ARHGEF19: variants seen among roughly 807,000 people sequenced by gnomAD.
ARHGEF19 encodes Rho guanine nucleotide exchange factor (GEF) 19.
A neutral mutation model predicts 87.6 loss-of-function variants in ARHGEF19; 92 were observed. The observed-to-expected ratio is 1.05, with a 90% CI of 0.89 to 1.25. The LOEUF (loss-of-function observed/expected upper bound fraction) is 1.25. ARHGEF19 is among the 50% of genes most tolerant of loss of function. The pLI is 0.00. For missense variants in ARHGEF19, 1,054 were observed against 1,051.8 expected (o/e 1.00, Z -0.03); for synonymous variants, 438 against 446.2 (o/e 0.98, Z 0.23).
intron 14 of ARHGEF19, among the ~76,000 whole-genome samples, chr1:16,200,084 C>T (rs998684699): frequency 1.3e-5 from 2 of 152,214 alleles, no homozygotes; most frequent in African/African-American, 4.8e-5. Flanking sequence ...AGAGAGCTTA[C>T]CCCCACCCAG....
rs753767537 is a variant in ARHGEF19, at chr1:16,207,907, TC to T, written c.694+36del. ...CGCCCACCCCCACCCCCACCCGGCATCTGGCTGCCCTCAGGGCCCATGGGAG... is the reference window on the plus strand; with the variant it reads ...CGCCCACCCCCACCCCCACCCGGCATTGGCTGCCCTCAGGGCCCATGGGAG... On this transcript the variant is annotated intron_variant, in intron 3 of 15. Coordinates refer to ENST00000270747, the MANE Select transcript of ARHGEF19 (RefSeq NM_153213.5). The surrounding 1 kb of genome is among the most constrained non-coding windows in gnomAD (Gnocchi z 4.0). 8.1e-6 allele frequency: 6 copies of T among 744,788 alleles called. No homozygotes were observed. The highest frequency in any genetic ancestry group is 1.2e-5 in the Non-Finnish European group (6 of 483,142). 46.1% of individuals were successfully genotyped at this position (744,788 alleles called of 1,614,324 possible).
chr1:16,207,498 C>T lies in ARHGEF19; in HGVS notation c.874+24G>A. 1.2e-6 allele frequency: 2 copies of T among 1,612,740 alleles called. No individual in the cohort carries two copies. Among genetic ancestry groups the T allele is most frequent in the Non-Finnish European group, 1.7e-6 (2 of 1,179,028 alleles). On this transcript the variant is annotated intron_variant, in intron 5 of 15. Coordinates refer to ENST00000270747, the MANE Select transcript of ARHGEF19 (RefSeq NM_153213.5). This position sits in a 1 kb window ranked among gnomAD's most constrained non-coding sequence, Gnocchi z 4.0. ...GCAGCCCCTTCCTCCGTTACCTCCTCCCAGGGACCCCCCTCCCACGTACAG... is the reference window on the plus strand; with the variant it reads ...GCAGCCCCTTCCTCCGTTACCTCCTTCCAGGGACCCCCCTCCCACGTACAG...
At position 16,205,316 on chromosome 1, in the gene ARHGEF19, C is replaced by T; in HGVS notation, c.1656+35G>A. ...CGTGCTGGGGGTCCAGGGGGGGCCT[C>T]AGGAGCCAAGCAGCCCCTGCCCTGC... On this transcript the variant is annotated intron_variant, in intron 10 of 15. Coordinates refer to ENST00000270747, the MANE Select transcript of ARHGEF19 (RefSeq NM_153213.5). This position sits in a 1 kb window ranked among gnomAD's most constrained non-coding sequence, Gnocchi z 5.8. 5 of 1,613,472 alleles carry T rather than the reference C, an allele frequency of 3.1e-6. No homozygotes were observed. The highest frequency in any genetic ancestry group is 4.2e-6 in the Non-Finnish European group (5 of 1,179,668).
In ARHGEF19 at chr1:16,205,652, C is replaced by T. The variant is rs763517010; in HGVS notation, c.1467G>A (p.Arg489=). The T allele has an allele frequency of 6.2e-7, 1 of 1,610,186 alleles. No homozygotes were observed. Among genetic ancestry groups the T allele is most frequent in the East Asian group, 2.2e-5 (1 of 44,812 alleles). ...TYQRLLLENP[R]FPGILARLEE... ...CCAGGCGAGCCAGGATGCCAGGGAA[C>T]CTGGGGTTCTCCAGGCTGGAAAATG... is the stretch of plus-strand genomic sequence containing the variant. The change falls in exon 9 of 16, where the codon AGG becomes AGA. Residue 489 remains arginine (R), a synonymous_variant. Coordinates refer to ENST00000270747, the MANE Select transcript of ARHGEF19 (RefSeq NM_153213.5). This position sits in a 1 kb window ranked among gnomAD's most constrained non-coding sequence, Gnocchi z 5.8.
rs1487094834 is a variant in ARHGEF19, at chr1:16,207,138, CCCT to C, written c.944_946del (p.Glu315del). The stretch of plus-strand genomic sequence containing the variant: ...TGCGCCCTCGGCCTCGTCCCCCGGG[CCCT>C]CCTCCTCGCGCTGCTGCCGCCGCAG... On this transcript the variant is annotated inframe_deletion, in exon 6 of 16. Transcript: ENST00000270747. The surrounding 1 kb of genome is among the most constrained non-coding windows in gnomAD (Gnocchi z 4.0). The C allele has an allele frequency of 1.3e-6, 2 of 1,527,506 alleles. No homozygotes were observed. The highest frequency in any genetic ancestry group is 2.6e-5 in the East Asian group (1 of 38,284). 94.6% of individuals were successfully genotyped at this position (1,527,506 alleles called of 1,614,324 possible). A position where few individuals can be genotyped will look rare whatever the true frequency, so the allele number is the denominator to read the frequency against.
chr1:16,210,377 A>G (rs945082230), intron 1 of ARHGEF19, among the ~76,000 whole-genome samples: 1 of 152,236 alleles, frequency 6.6e-6, no homozygotes, highest in South Asian at 2.1e-4. Flanking sequence ...AGGCCCCCTC[A>G]GGCCAAAGGG....
At chr1:16,212,061 A>C (rs1002915042) in intron 1 of ARHGEF19, among the ~76,000 whole-genome samples, 3 of 152,174 alleles carry the variant, frequency 2.0e-5, no homozygotes, top group Non-Finnish European at 2.9e-5. Context: ...TCTCTAAGAA[A>C]CATGTCTCAT....
chr1:16,199,164 G>T lies in ARHGEF19; in HGVS notation c.2237C>A (p.Thr746Asn), dbSNP rs1161349058. ...LEKTDILSVR[T>N]WTSDGWLEGV... ...GGCCCCCTCACCGTCACTGGTCCAG[G>T]TCCTCACTGACAGGATGTCAGTCTT... Residue 746 changes from threonine (T) to asparagine (N), a missense_variant, in exon 15 of 16, where the codon ACC (threonine) becomes AAC (asparagine). Physicochemically the swap from Thr to Asn is moderately conservative, Grantham distance 65. Transcript: ENST00000270747. 1.2e-6 allele frequency: 2 copies of T among 1,613,986 alleles called. No homozygotes were observed. Among genetic ancestry groups the T allele is most frequent in the South Asian group, 1.1e-5 (1 of 91,082 alleles).
intron 1 of ARHGEF19, among the ~76,000 whole-genome samples, chr1:16,212,139 A>G (rs961722900): frequency 1.3e-5 from 2 of 152,220 alleles, no homozygotes; most frequent in Non-Finnish European, 2.9e-5. Context: ...GGTGCTGCTA[A>G]TTACAGAAGA....
chr1:16,199,174 A>T lies in ARHGEF19; in HGVS notation c.2227T>A (p.Ser743Thr), dbSNP rs758230669. 1.2e-6 allele frequency: 2 copies of T among 1,613,968 alleles called. No individual in the cohort carries two copies. Among genetic ancestry groups the T allele is most frequent in the Non-Finnish European group, 1.7e-6 (2 of 1,179,940 alleles). Residue 743 changes from serine (S) to threonine (T), a missense_variant, in exon 15 of 16, where the codon TCA (serine) becomes ACA (threonine). Physicochemically the swap from Ser to Thr is moderately conservative, Grantham distance 58 (BLOSUM62 1). Transcript: ENST00000270747. The stretch of plus-strand genomic sequence containing the variant: ...CCGTCACTGGTCCAGGTCCTCACTG[A>T]CAGGATGTCAGTCTTCTCCAAGGTC... Reference protein sequence around the residue: ...ELTLEKTDILSVRTWTSDGWL... With the variant: ...ELTLEKTDILTVRTWTSDGWL...
In ARHGEF19 at chr1:16,207,856, G is replaced by A; in HGVS notation, c.695-79C>T. 1 of 1,585,230 alleles carries A rather than the reference G, an allele frequency of 6.3e-7. No homozygotes were observed. The highest frequency in any genetic ancestry group is 8.6e-7 in the Non-Finnish European group (1 of 1,166,888). On this transcript the variant is annotated intron_variant, in intron 3 of 15. Coordinates refer to ENST00000270747, the MANE Select transcript of ARHGEF19 (RefSeq NM_153213.5). The surrounding 1 kb of genome is among the most constrained non-coding windows in gnomAD (Gnocchi z 4.0). ...GGGCCCCGGCCCAGGCACCCTGACG[G>A]CCTCAGGCGGCCGGTGAGTGGGCAT...
chr1:16,207,020 C>T lies in ARHGEF19; in HGVS notation c.1065G>A (p.Trp355Ter), dbSNP rs1557541508. 6.6e-7 allele frequency: 1 copy of T among 1,517,574 alleles called. No individual in the cohort carries two copies. The highest frequency in any genetic ancestry group is 8.8e-7 in the Non-Finnish European group (1 of 1,135,380). 94.0% of individuals were successfully genotyped at this position (1,517,574 alleles called of 1,614,324 possible). ...TGCCGCGTACGTCGGGGATATCCTG[C>T]CACAGCGAGAAGGTGGAGCCTCGCG... ...RSARGSTFSL[W>*]QDIPDVRGSG... Residue 355 changes from tryptophan to a stop codon, truncating the protein, a stop_gained, in exon 6 of 16, where the codon TGG becomes TGA. Coordinates refer to ENST00000270747, the MANE Select transcript of ARHGEF19 (RefSeq NM_153213.5). LOFTEE classifies it high-confidence loss of function. This position sits in a 1 kb window ranked among gnomAD's most constrained non-coding sequence, Gnocchi z 4.0.
At position 16,204,741 on chromosome 1, in the gene ARHGEF19, C is replaced by G. The variant is rs752841316; in HGVS notation, c.1907+18G>C. 6.4e-6 allele frequency: 10 copies of G among 1,562,360 alleles called. No homozygotes were observed. The highest frequency in any genetic ancestry group is 2.6e-6 in the Non-Finnish European group (3 of 1,149,964). Reference sequence around the variant, plus strand: ...CTGGCTCCACTTTACCTACCCACCCCTGACTGCCCCGACTCACTCCTTCCG... The same window carrying G: ...CTGGCTCCACTTTACCTACCCACCCGTGACTGCCCCGACTCACTCCTTCCG... On this transcript the variant is annotated intron_variant, in intron 12 of 15. Coordinates refer to ENST00000270747, the MANE Select transcript of ARHGEF19 (RefSeq NM_153213.5).
chr1:16,205,977 A>G lies in ARHGEF19; in HGVS notation c.1405T>C (p.Tyr469His). Residue 469 changes from tyrosine to histidine, a missense_variant, in exon 8 of 16, where the codon TAT becomes CAT. Physicochemically the swap from Tyr to His is moderately conservative, Grantham distance 83 (BLOSUM62 2). Coordinates refer to ENST00000270747, the MANE Select transcript of ARHGEF19 (RefSeq NM_153213.5). The surrounding 1 kb of genome is among the most constrained non-coding windows in gnomAD (Gnocchi z 5.8). The part of the protein sequence containing the change: ...CPAFRRVYLP[Y>H]VTNQAYQERT... ...TCCTGGTAGGCCTGGTTGGTGACAT[A>G]GGGCAGGTAGACTCTGCGGAAGGCC... 1 of 1,611,414 alleles carries G rather than the reference A, an allele frequency of 6.2e-7. No homozygotes were observed. The highest frequency in any genetic ancestry group is 8.5e-7 in the Non-Finnish European group (1 of 1,178,902).
In ARHGEF19 at chr1:16,207,104, C is replaced by A; in HGVS notation, c.981G>T (p.Gly327=). Residue 327 remains glycine (G), a synonymous_variant, in exon 6 of 16, where the codon GGG becomes GGT. Coordinates refer to ENST00000270747, the MANE Select transcript of ARHGEF19 (RefSeq NM_153213.5). The surrounding 1 kb of genome is among the most constrained non-coding windows in gnomAD (Gnocchi z 4.0). ...AGAGGTTGGCCCGCGGCGGCCCCGG[C>A]CCCTCCTCTGCGCCCTCGGCCTCGT... ...PGDEAEGAEE[G]PGPPRANLSP... 2.6e-6 allele frequency: 4 copies of A among 1,512,538 alleles called. No individual in the cohort carries two copies. Among genetic ancestry groups the A allele is most frequent in the East Asian group, 5.4e-5 (2 of 36,964 alleles). The allele number at this position is 1,512,538 out of a possible 1,614,324, so 93.7% of individuals were successfully genotyped here.
chr1:16,201,266 T>C (rs2081081306), intron 14 of ARHGEF19, among the ~76,000 whole-genome samples: 1 of 152,126 alleles, frequency 6.6e-6, no homozygotes, highest in Non-Finnish European at 1.5e-5. Context: ...AGGGACACTA[T>C]AGGAAGGCTC....
chr1:16,206,325 T>G lies in ARHGEF19; in HGVS notation c.1153A>C (p.Ile385Leu), dbSNP rs1322845965. The change falls in exon 7 of 16, where the codon ATC becomes CTC. Residue 385 changes from isoleucine to leucine, a missense_variant. Transcript: ENST00000270747. This position sits in a 1 kb window ranked among gnomAD's most constrained non-coding sequence, Gnocchi z 4.6. Reference sequence around the variant, plus strand: ...TGGATGTAGGAGGCCTCGGAGGTGATCAGCTCAAACTTGGCCTGAGGGAGG... The same window carrying G: ...TGGATGTAGGAGGCCTCGGAGGTGAGCAGCTCAAACTTGGCCTGAGGGAGG... ...CKLQEAKFEL[I>L]TSEASYIHSL... The G allele has an allele frequency of 1.3e-6, 2 of 1,579,194 alleles. No homozygotes were observed. The highest frequency in any genetic ancestry group is 1.3e-5 in the African/African-American group (1 of 74,510).
rs2081142164 is a variant in ARHGEF19 at position 16,206,905 on chromosome 1, C to CCCCGG, written c.1137+38_1137+42dup. On this transcript the variant is annotated intron_variant, in intron 6 of 15. Coordinates refer to ENST00000270747, the MANE Select transcript of ARHGEF19 (RefSeq NM_153213.5). The surrounding 1 kb of genome is among the most constrained non-coding windows in gnomAD (Gnocchi z 4.6). ...CCGCTAAGTCCCCGGACCGCGTACTCCCCGGCCCGCCCCCGCCCCGCCGGG... is the reference window on the plus strand; with the variant it reads ...CCGCTAAGTCCCCGGACCGCGTACTCCCCGGCCCGGCCCGCCCCCGCCCCGCCGGG... 7.0e-7 allele frequency: 1 copy of CCCCGG among 1,421,468 alleles called. No homozygotes were observed. The highest frequency in any genetic ancestry group is 2.9e-5 in the East Asian group (1 of 34,046). The allele number at this position is 1,421,468 out of a possible 1,614,324, so 88.1% of individuals were successfully genotyped here.
At chr1:16,210,903 G>A (rs185193416) in intron 1 of ARHGEF19, among the ~76,000 whole-genome samples, 7 of 152,288 alleles carry the variant, frequency 4.6e-5, no homozygotes, top group Admixed American at 6.5e-5. Flanking sequence ...AGGACCCAGC[G>A]AGAGATGGCT....
Sources: allele counts gnomAD v4.1 joint callset (sites outside exome capture counted in the v4.1 genomes callset), GRCh38; gene constraint gnomAD v4.1.1; non-coding constraint Gnocchi (gnomAD v3.1); transcripts MANE v1.5; gene names NCBI Gene and HGNC (gene_info 2026-07-23, HGNC 2026-07-21).